POMT2: variants seen among roughly 807,000 people sequenced by gnomAD.
POMT2 encodes protein O-mannosyl-transferase 2.
Under a neutral mutation model 100.0 loss-of-function variants are expected in POMT2, and 75 were observed. That is an observed-to-expected ratio of 0.75 (90% CI 0.62 to 0.91). The LOEUF is 0.91. Among genes scored for constraint, POMT2 ranks in the 40% least tolerant of loss-of-function variants. The pLI is 0.00. For synonymous variants in POMT2, 378 were observed against 374.1 expected (o/e 1.01, Z -0.12); for missense variants, 940 against 955.1 (o/e 0.98, Z 0.21).
At chr14:77,320,291 G>A (rs1164027527) in intron 1 of POMT2, 143 bp downstream of exon 1, 2 of 1,430,444 alleles carry the variant, frequency 1.4e-6, no homozygotes, top group Non-Finnish European at 1.9e-6. Flanking sequence ...CTCGCCAGAG[G>A]CCAACCCACC....
At position 77,276,469 on chromosome 14, in the gene POMT2, T is replaced by A. The variant is rs1048985868; in HGVS notation, c.*907A>T. 4 of 152,546 alleles carry A rather than the reference T, an allele frequency of 2.6e-5. No homozygotes were observed. Among genetic ancestry groups the A allele is most frequent in the African/African-American group, 9.7e-5 (4 of 41,436 alleles). The allele number at this position is 152,546 out of a possible 1,614,324, so 9.4% of individuals were successfully genotyped here. A position where few individuals can be genotyped will look rare whatever the true frequency, so the allele number is the denominator to read the frequency against. On this transcript the variant is annotated 3_prime_UTR_variant, in exon 21 of 21. Coordinates refer to ENST00000261534, the MANE Select transcript of POMT2 (RefSeq NM_013382.7). ...CCTGTCTCTCATCTACCTTGGGCGC[T>A]AAGCAAGGTTCCCATGGGCTCTCCC...
intron 2 of POMT2, among the ~76,000 whole-genome samples, chr14:77,310,798 T>G (rs1024813083): frequency 6.6e-6 from 1 of 152,174 alleles, no homozygotes; most frequent in African/African-American, 2.4e-5. Context: ...TTGAGTGAAT[T>G]CCAGGGCTAA....
At chr14:77,300,774 C>G in intron 6 of POMT2, 2 of 327,662 alleles carry the variant, frequency 6.1e-6, no homozygotes, top group South Asian at 5.2e-5. Context: ...GAGCCAAGAT[C>G]GGCCCACTGC....
chr14:77,279,292 A>T (rs898438356), intron 18 of POMT2: 48 of 368,896 alleles, frequency 1.3e-4, no homozygotes, highest in South Asian at 9.8e-4. Context: ...AGAGCTGCAG[A>T]GGCAAAAGGG....
At chr14:77,320,225 A>T in intron 1 of POMT2, 5 of 776,582 alleles carry the variant, frequency 6.4e-6, no homozygotes, top group Non-Finnish European at 1.0e-5. Flanking sequence ...CTCAGATACT[A>T]AGAATCCCAC....
rs1566655273 is a variant in POMT2 at position 77,299,581 on chromosome 14, T to C, written c.817-20A>G. The C allele has an allele frequency of 1.9e-6, 3 of 1,601,332 alleles. No individual in the cohort carries two copies. The highest frequency in any genetic ancestry group is 2.6e-6 in the Non-Finnish European group (3 of 1,168,434). ...AGTCACCTGCAAACAGAGGCCAGCGTGGGGTGCTAGGCATGTGAGACCTCA... is the reference window on the plus strand; with the variant it reads ...AGTCACCTGCAAACAGAGGCCAGCGCGGGGTGCTAGGCATGTGAGACCTCA... On this transcript the variant is annotated intron_variant, in intron 6 of 20. Transcript: ENST00000261534.
At chr14:77,290,761 T>G (rs921606603) in intron 10 of POMT2, among the ~76,000 whole-genome samples, 2 of 152,188 alleles carry the variant, frequency 1.3e-5, no homozygotes, top group Admixed American at 6.5e-5. Context: ...CCAGGCCAGT[T>G]AGAAGCAGAT....
rs527598769 is a variant in POMT2 at position 77,287,651 on chromosome 14, G to GTCGTT, written c.1254-834_1254-830dup. ...GTTTACGGGGCTGCTCCTGCTGTCT[G>GTCGTT]TCGTTTCAGCTTGTTCTTGCACACA... On this transcript the variant is annotated intron_variant, in intron 11 of 20. Transcript: ENST00000261534. 26 of 151,768 alleles carry GTCGTT rather than the reference G, an allele frequency of 1.7e-4. No homozygotes were observed. In the East Asian group the frequency reaches 5.0e-3, roughly 29 times the overall value. The allele number at this position is 151,768 out of a possible 1,614,324, so 9.4% of individuals were successfully genotyped here. A position where few individuals can be genotyped will look rare whatever the true frequency, so the allele number is the denominator to read the frequency against.
At chr14:77,284,654 A>G (rs1890352748) in intron 14 of POMT2, among the ~76,000 whole-genome samples, 1 of 152,116 alleles carries the variant, frequency 6.6e-6, no homozygotes, top group Non-Finnish European at 1.5e-5. Context: ...CCAAGCCTGG[A>G]GGCTGGGGAG....
At chr14:77,278,158 A>G in intron 20 of POMT2, 1 of 540,664 alleles carries the variant, frequency 1.8e-6, no homozygotes, top group Non-Finnish European at 3.4e-6. Flanking sequence ...CAAAAGCTGA[A>G]CCACCGGCAG....
intron 12 of POMT2, 104 bp from the exon 13 acceptor site, chr14:77,285,736 T>C: frequency 7.4e-7 from 1 of 1,348,518 alleles, no homozygotes; most frequent in Non-Finnish European, 1.1e-6. Flanking sequence ...GTTATGAAGG[T>C]CAAAGACCAA....
chr14:77,278,925 G>A (rs1890094861), intron 18 of POMT2, 56 bp from the exon 19 acceptor site: 1 of 1,574,484 alleles, frequency 6.4e-7, no homozygotes. Flanking sequence ...GAGATTCCAG[G>A]CTCTGGTCCA....
At position 77,282,550 on chromosome 14, in the gene POMT2, C is replaced by T. The variant is rs1890272853; in HGVS notation, c.1653+1247G>A. Among the ~76,000 whole-genome samples the T allele has an allele frequency of 2.0e-5, 3 of 152,114 alleles. No individual in the cohort carries two copies. In the South Asian group the frequency reaches 6.2e-4, roughly 32 times the overall value. On this transcript the variant is annotated intron_variant, in intron 15 of 20. Coordinates refer to ENST00000261534, the MANE Select transcript of POMT2 (RefSeq NM_013382.7). ...AGATAATGAAAGACAAAATGAAACT[C>T]GTAGATTTAGTCTTAAAATTTGACC... is the stretch of plus-strand genomic sequence containing the variant.
intron 1 of POMT2, among the ~76,000 whole-genome samples, chr14:77,314,458 G>A (rs1057013566): frequency 1.3e-5 from 2 of 152,198 alleles, no homozygotes; most frequent in African/African-American, 4.8e-5. Flanking sequence ...ACAGTGACAG[G>A]CTAACTTATT....
chr14:77,308,898 T>C lies in POMT2; in HGVS notation c.334-2457A>G, dbSNP rs1891336155. ...TACAAGGATGTTCACTGCAATATCT[T>C]TTGTAATGACTAAAAACTGGAAATA... On this transcript the variant is annotated intron_variant, in intron 2 of 20. Transcript: ENST00000261534. 7 of 340,152 alleles carry C rather than the reference T, an allele frequency of 2.1e-5. No homozygotes were observed. In the Admixed American group the frequency reaches 3.1e-4, roughly 15 times the overall value. The allele number at this position is 340,152 out of a possible 1,614,324, so 21.1% of individuals were successfully genotyped here.
Position 77,320,875 on chromosome 14 carries a change from A to T in POMT2, c.-194T>A, listed in dbSNP as rs1891879402. The stretch of plus-strand genomic sequence containing the variant: ...GCGGCCCGGGCCGCTAGGAGGCGGC[A>T]GGAGGCGCAGAGCATGTCGGGACCG... On this transcript the variant is annotated 5_prime_UTR_variant, in exon 1 of 21. Transcript: ENST00000261534. 3.2e-6 allele frequency: 3 copies of T among 944,430 alleles called. No homozygotes were observed. The highest frequency in any genetic ancestry group is 4.2e-4 in the Middle Eastern group (1 of 2,382). 58.5% of individuals were successfully genotyped at this position (944,430 alleles called of 1,614,324 possible). A position where few individuals can be genotyped will look rare whatever the true frequency, so the allele number is the denominator to read the frequency against.
chr14:77,280,574 C>T, intron 15 of POMT2, 111 bp from the exon 16 acceptor site: 1 of 1,571,750 alleles, frequency 6.4e-7, no homozygotes, highest in Non-Finnish European at 8.6e-7. Context: ...AGAACCTTCT[C>T]TCCTTCCCTT....
At chr14:77,312,158 TAA>T in intron 1 of POMT2, 125 bp from the exon 2 acceptor site, 1 of 1,316,204 alleles carries the variant, frequency 7.6e-7, no homozygotes, top group Non-Finnish European at 1.0e-6. Context: ...AGTCTGGATT[TAA>T]AAAAAAAATA....
At position 77,306,321 on chromosome 14, in the gene POMT2, A is replaced by C. The variant is rs1234122482; in HGVS notation, c.438+16T>G. On this transcript the variant is annotated intron_variant, in intron 3 of 20. Coordinates refer to ENST00000261534, the MANE Select transcript of POMT2 (RefSeq NM_013382.7). ...CCCAGGGTTCAGTCAGTCCATTTCA[A>C]GTCAGGAAGCCTTACTCCTCTCATT... 1 of 1,610,986 alleles carries C rather than the reference A, an allele frequency of 6.2e-7. No homozygotes were observed. Among genetic ancestry groups the C allele is most frequent in the Non-Finnish European group, 8.5e-7 (1 of 1,177,636 alleles).
Sources: allele counts gnomAD v4.1 joint callset (sites outside exome capture counted in the v4.1 genomes callset), GRCh38; gene constraint gnomAD v4.1.1; transcripts MANE v1.5; gene names NCBI Gene and HGNC (gene_info 2026-07-23, HGNC 2026-07-21).